The following BRME1 variants were observed in gnomAD, a reference collection of about 807,000 sequenced individuals.
BRME1 encodes the protein BRCA2 and MEILB2-associating protein 1.
In BRME1, 31 loss-of-function variants were observed where a neutral mutation model predicts 52.6. The observed-to-expected ratio is 0.59, with a 90% CI of 0.44 to 0.80. The LOEUF (loss-of-function observed/expected upper bound fraction) is 0.80. Among genes scored for constraint, BRME1 ranks in the 30% least tolerant of loss-of-function variants. The probability of loss-of-function intolerance (pLI) is 0.00; values close to 1 mark genes in which losing one functional copy is unlikely to be tolerated. For synonymous variants in BRME1, 359 were observed against 353.6 expected, an observed-to-expected ratio of 1.02 and a Z score of -0.17; for missense variants, 804 against 860.3, an observed-to-expected ratio of 0.93 and a Z score of 0.82.
chr19:13,903,860 G>T (rs1033711286), intron 2 of BRME1, among the ~76,000 whole-genome samples: 20 of 152,128 alleles, frequency 1.3e-4, no homozygotes, highest in African/African-American at 4.8e-4. Flanking sequence ...AGCAGAACTG[G>T]GATGAACCCA....
intron 2 of BRME1, among the ~76,000 whole-genome samples, chr19:13,899,442 C>T (rs1380399598): frequency 6.6e-6 from 1 of 152,090 alleles, no homozygotes; most frequent in African/African-American, 2.4e-5. Context: ...TGAGCCATGG[C>T]GCACGGTAAG....
Position 13,883,057 on chromosome 19 carries a change from C to CA in BRME1, c.1857-106dup. ...GTCACCAATGACTCAGGTGCACACA[C>CA]ACGGCTCACACACGTGCACATAACC... On this transcript the variant is annotated intron_variant, in intron 8 of 8. Coordinates refer to ENST00000586783, the MANE Select transcript of BRME1 (RefSeq NM_001345843.2). This position sits in a 1 kb window ranked among gnomAD's most constrained non-coding sequence, Gnocchi z 4.2. 1 of 1,391,120 alleles carries CA rather than the reference C, an allele frequency of 7.2e-7. No homozygotes were observed. The highest frequency in any genetic ancestry group is 9.8e-7 in the Non-Finnish European group (1 of 1,015,670). The allele number at this position is 1,391,120 out of a possible 1,614,324, so 86.2% of individuals were successfully genotyped here.
At position 13,882,741 on chromosome 19, in the gene BRME1, TTG is replaced by T; in HGVS notation, c.*59_*60del. 6.2e-7 allele frequency: 1 copy of T among 1,601,344 alleles called. No individual in the cohort carries two copies. The highest frequency in any genetic ancestry group is 1.1e-5 in the South Asian group (1 of 90,408). ...GTCCACTAGGACCCCCTGGAGCATC[TTG>T]GAGGAGGTCTGCGGACATGGGGGCT... On this transcript the variant is annotated 3_prime_UTR_variant, in exon 9 of 9. Coordinates refer to ENST00000586783, the MANE Select transcript of BRME1 (RefSeq NM_001345843.2).
intron 2 of BRME1, among the ~76,000 whole-genome samples, chr19:13,903,849 G>A (rs1002600330): frequency 7.9e-5 from 12 of 152,072 alleles, no homozygotes; most frequent in African/African-American, 2.7e-4. Context: ...ACCACACACT[G>A]AGCAGAACTG....
Position 13,889,839 on chromosome 19 carries a change from G to A in BRME1, c.1017C>T (p.Ile339=), listed in dbSNP as rs367695544. 116 of 1,613,226 alleles carry A rather than the reference G, an allele frequency of 7.2e-5. No individual in the cohort carries two copies. The highest frequency in any genetic ancestry group is 8.3e-5 in the Non-Finnish European group (98 of 1,179,970). Residue 339 remains isoleucine (I), a synonymous_variant, in exon 6 of 9, where the codon ATC becomes ATT. Transcript: ENST00000586783. ...CAGTGGGGTCTGTGCTCAGGTCTGC[G>A]ATGACAACCATCCCGAGGGAGGAGC... is the stretch of plus-strand genomic sequence containing the variant. ...LGCSSLGMVV[I]ADLSTDPTEL... is the part of the protein sequence containing the mutation.
At chr19:13,894,825 G>A (rs1167687118) in intron 3 of BRME1, among the ~76,000 whole-genome samples, 1 of 152,200 alleles carries the variant, frequency 6.6e-6, no homozygotes, top group African/African-American at 2.4e-5. Flanking sequence ...TTGACCAGCA[G>A]ACAGAATATG....
chr19:13,889,808 C>T lies in BRME1; in HGVS notation c.1048G>A (p.Glu350Lys). The T allele has an allele frequency of 6.2e-7, 1 of 1,613,074 alleles. No homozygotes were observed. Among genetic ancestry groups the T allele is most frequent in the South Asian group, 1.1e-5 (1 of 91,086 alleles). Residue 350 changes from glutamate to lysine, a missense_variant, in exon 6 of 9, where the codon GAA (glutamate) becomes AAA (lysine). By Grantham distance (56) the Glu-to-Lys change is moderately conservative (BLOSUM62 1). Coordinates refer to ENST00000586783, the MANE Select transcript of BRME1 (RefSeq NM_001345843.2). ...ADLSTDPTELEERALEVAGPD... is the reference protein window; with the variant it reads ...ADLSTDPTELKERALEVAGPD... ...CCAGCCACCTCCAGAGCCCTCTCTT[C>T]CAGCTCAGTGGGGTCTGTGCTCAGG...
chr19:13,887,646 C>A (rs1010183512), intron 6 of BRME1, among the ~76,000 whole-genome samples: 7 of 152,190 alleles, frequency 4.6e-5, no homozygotes, highest in Non-Finnish European at 1.0e-4. Flanking sequence ...TTCTCTCAAG[C>A]GAGGGATTTG....
chr19:13,887,503 T>G (rs942347845), intron 6 of BRME1, among the ~76,000 whole-genome samples: 4 of 152,184 alleles, frequency 2.6e-5, no homozygotes, highest in Non-Finnish European at 5.9e-5. Context: ...GGCAGCCCGT[T>G]TAGGAGGGCT....
At chr19:13,897,678 CA>C (rs917991906) in intron 2 of BRME1, among the ~76,000 whole-genome samples, 2 of 152,100 alleles carry the variant, frequency 1.3e-5, no homozygotes, top group African/African-American at 4.8e-5. Flanking sequence ...CCAGCCTGGG[CA>C]ACATGGCGAA....
rs1555726500 is a variant in BRME1, at chr19:13,892,881, C to CGAATGA, written c.292_297dup (p.Ser98_Phe99dup). Reference sequence around the variant, plus strand: ...TTTGCAAACTGGGGAACAAACCTCCCGAATGAGTTCTGTAAACCGGATACA... The same window carrying CGAATGA: ...TTTGCAAACTGGGGAACAAACCTCCCGAATGAGAATGAGTTCTGTAAACCGGATACA... On this transcript the variant is annotated inframe_insertion, in exon 5 of 9. Coordinates refer to ENST00000586783, the MANE Select transcript of BRME1 (RefSeq NM_001345843.2). 1.9e-6 allele frequency: 3 copies of CGAATGA among 1,612,564 alleles called. No homozygotes were observed. In the South Asian group the frequency reaches 3.3e-5, roughly 18 times the overall value.
chr19:13,892,663 G>A (rs1042467458), intron 5 of BRME1, 123 bp downstream of exon 5: 6 of 676,288 alleles, frequency 8.9e-6, no homozygotes, highest in Middle Eastern at 3.9e-4. Context: ...TACTGAAAAC[G>A]GTGGGTGGAG....
intron 5 of BRME1, among the ~76,000 whole-genome samples, chr19:13,890,842 C>A (rs1480290457): frequency 6.6e-6 from 1 of 152,026 alleles, no homozygotes; most frequent in African/African-American, 2.4e-5. Context: ...CCAGCCTGGA[C>A]GACAGAGTAA....
intron 1 of BRME1, among the ~76,000 whole-genome samples, chr19:13,905,274 A>C (rs1204097774): frequency 6.6e-6 from 1 of 151,996 alleles, no homozygotes; most frequent in East Asian, 1.9e-4. Context: ...GGCCCTTCCA[A>C]GGACACTTGA....
In BRME1 at chr19:13,891,945, C is replaced by A. The variant is rs570006637; in HGVS notation, c.393+841G>T. ...AAAATAAGCCAGGTGTGGTGGTGTG[C>A]ACCTGTAGTCCCAGCTACTGGGGAG... On this transcript the variant is annotated intron_variant, in intron 5 of 8. Coordinates refer to ENST00000586783, the MANE Select transcript of BRME1 (RefSeq NM_001345843.2). Among the ~76,000 whole-genome samples, 24 of 151,964 alleles carry A rather than the reference C, an allele frequency of 1.6e-4. No homozygotes were observed. In the East Asian group the frequency reaches 4.5e-3, roughly 29 times the overall value.
Position 13,882,675 on chromosome 19 carries a change from T to C in BRME1, c.*127A>G. ...CTCACGGCCTCCTTTGTGTTGTCCA[T>C]GGAAGACCAACTTCCGGGCAACTGA... On this transcript the variant is annotated 3_prime_UTR_variant, in exon 9 of 9. Coordinates refer to ENST00000586783, the MANE Select transcript of BRME1 (RefSeq NM_001345843.2). 7.6e-7 allele frequency: 1 copy of C among 1,309,022 alleles called. No individual in the cohort carries two copies. The allele number at this position is 1,309,022 out of a possible 1,614,324, so 81.1% of individuals were successfully genotyped here. A position where few individuals can be genotyped will look rare whatever the true frequency, so the allele number is the denominator to read the frequency against.
In BRME1 at chr19:13,882,894, T is replaced by A. The variant is rs1968737501; in HGVS notation, c.1915A>T (p.Lys639Ter). Reference protein sequence around the residue: ...LEAFKRLNYRKTKLGGKAPLP... With the variant: ...LEAFKRLNYR ...GGGGCTTTGCCTCCCAGCTTTGTCT[T>A]CCGGTAGTTAAGGCGCTTGAAAGCT... is the stretch of plus-strand genomic sequence containing the variant. The change falls in exon 9 of 9, where the codon AAG becomes TAG. Residue 639 changes from lysine to a stop codon, truncating the protein, a stop_gained. Coordinates refer to ENST00000586783, the MANE Select transcript of BRME1 (RefSeq NM_001345843.2). LOFTEE classifies it low-confidence loss of function (END_TRUNC). 3.1e-6 allele frequency: 5 copies of A among 1,613,562 alleles called. No individual in the cohort carries two copies. The South Asian group carries it at 4.4e-5, about 14-fold the overall frequency.
chr19:13,892,751 C>G, intron 5 of BRME1, 35 bp downstream of exon 5: 4 of 1,572,186 alleles, frequency 2.5e-6, no homozygotes, highest in Non-Finnish European at 3.5e-6. Context: ...GCTGCACCTG[C>G]GCTGGGCTCA....
intron 3 of BRME1, among the ~76,000 whole-genome samples, chr19:13,895,131 G>A (rs569224990): frequency 1.3e-4 from 20 of 151,974 alleles, no homozygotes; most frequent in Admixed American, 2.6e-4. Context: ...TTCCCCCCTC[G>A]GCCTCCCAAA....
Sources: gnomAD v4.1 joint callset for allele counts (sites outside exome capture counted in the v4.1 genomes callset) on GRCh38, gnomAD v4.1.1 for gene constraint, Gnocchi (gnomAD v3.1) non-coding constraint, MANE v1.5 for transcripts, NCBI Gene and HGNC (gene_info 2026-07-23, HGNC 2026-07-21) for gene names.